The following RCBTB2 variants were observed in gnomAD, a reference collection of about 807,000 sequenced individuals.
RCBTB2 encodes RCC1 and BTB domain containing protein 2.
RCBTB2 carries 55 observed loss-of-function variants against 65.4 expected under a neutral mutation model. The ratio of observed to expected loss-of-function variants is 0.84; its 90% CI spans 0.68 to 1.05. The LOEUF (loss-of-function observed/expected upper bound fraction) is 1.05, where lower values mean the gene tolerates loss of function less well. Among genes scored for constraint, RCBTB2 ranks in the 50% least tolerant of loss-of-function variants. RCBTB2 has a pLI of 0.00. For synonymous variants in RCBTB2, 220 were observed against 255.2 expected (o/e 0.86, Z 1.31); for missense variants, 599 against 680.1 (o/e 0.88, Z 1.33).
At chr13:48,497,279 C>T (rs946789638) in intron 13 of RCBTB2, among the ~76,000 whole-genome samples, 2 of 152,194 alleles carry the variant, frequency 1.3e-5, no homozygotes, top group African/African-American at 4.8e-5. Context: ...ACTTTCCTCA[C>T]TTACTTCCCA....
In RCBTB2 at chr13:48,512,812, T is replaced by C. The variant is rs1289498981; in HGVS notation, c.433A>G (p.Ile145Val). The C allele has an allele frequency of 5.0e-6, 8 of 1,614,030 alleles. No homozygotes were observed. The African/African-American group carries it at 6.7e-5, about 13-fold the overall frequency. Reference sequence around the variant, plus strand: ...TGTTTGTTTGACAGATTAGTAGAGATATGACAGGGCACTAAACCATGATTA... The same window carrying C: ...TGTTTGTTTGACAGATTAGTAGAGACATGACAGGGCACTAAACCATGATTA... ...TTNHGLVPCH[I>V]STNLSNKQVI... The change falls in exon 7 of 15, where the codon ATC (isoleucine) becomes GTC (valine). Residue 145 changes from isoleucine to valine, a missense_variant. Physicochemically the swap from Ile to Val is conservative, Grantham distance 29. Coordinates refer to ENST00000344532, the MANE Select transcript of RCBTB2 (RefSeq NM_001268.4).
intron 13 of RCBTB2, among the ~76,000 whole-genome samples, chr13:48,498,878 T>A (rs780529263): frequency 5.3e-5 from 8 of 151,922 alleles, no homozygotes; most frequent in Non-Finnish European, 1.0e-4. Flanking sequence ...AGTGCAGCCA[T>A]CCTTCTCTCT....
At chr13:48,527,322 T>TATATATATATC (rs1555310599) in intron 1 of RCBTB2, among the ~76,000 whole-genome samples, 5 of 123,480 alleles carry the variant, frequency 4.0e-5, no homozygotes, top group African/African-American at 2.3e-4. Flanking sequence ...ACTTGGCTCA[T>TATATATATATC]ATATATATAT....
At chr13:48,499,039 G>C (rs2138437152) in intron 13 of RCBTB2, among the ~76,000 whole-genome samples, 1 of 151,116 alleles carries the variant, frequency 6.6e-6, no homozygotes, top group South Asian at 2.1e-4. Flanking sequence ...TATAATAACT[G>C]ATGTTTTAAA....
chr13:48,492,730 TC>T, intron 14 of RCBTB2, among the ~76,000 whole-genome samples: 1 of 152,176 alleles, frequency 6.6e-6, no homozygotes, highest in Non-Finnish European at 1.5e-5. Flanking sequence ...GTTTCTCTCT[TC>T]CGTTACTGCT....
chr13:48,496,131 G>C, intron 14 of RCBTB2, 60 bp downstream of exon 14: 1 of 1,392,044 alleles, frequency 7.2e-7, no homozygotes, highest in Non-Finnish European at 9.4e-7. Flanking sequence ...TAAGGTACGA[G>C]GCAGACACCT....
At chr13:48,510,944 G>GT (rs1467888565) in intron 9 of RCBTB2, among the ~76,000 whole-genome samples, 173 bp from the exon 10 acceptor site, 1 of 152,200 alleles carries the variant, frequency 6.6e-6, no homozygotes, top group Non-Finnish European at 1.5e-5. Context: ...CAGAATTGCA[G>GT]TAAGATTGCC....
chr13:48,503,024 G>A (rs775399649), intron 10 of RCBTB2, 110 bp from the exon 11 acceptor site: 10 of 1,247,428 alleles, frequency 8.0e-6, no homozygotes, highest in Non-Finnish European at 1.1e-5. Context: ...TTACAAAAAG[G>A]GTCAGGAAAA....
chr13:48,512,206 G>A, intron 7 of RCBTB2, 32 bp from the exon 8 acceptor site: 1 of 1,588,670 alleles, frequency 6.3e-7, no homozygotes, highest in South Asian at 1.1e-5. Flanking sequence ...AAATGAAACA[G>A]ATTAATTTAT....
In RCBTB2 at chr13:48,496,171, T is replaced by C. The variant is rs771142023; in HGVS notation, c.1515+20A>G. ...TCCATTTCTCCAGGAGGCCGGCAGC[T>C]GGAAGCAAGCTTTCCTTACCTGTGC... On this transcript the variant is annotated intron_variant, in intron 14 of 14. Coordinates refer to ENST00000344532, the MANE Select transcript of RCBTB2 (RefSeq NM_001268.4). The C allele has an allele frequency of 5.0e-5, 71 of 1,433,410 alleles. No homozygotes were observed. Among genetic ancestry groups the C allele is most frequent in the Non-Finnish European group, 6.1e-5 (66 of 1,084,062 alleles). 88.8% of individuals were successfully genotyped at this position (1,433,410 alleles called of 1,614,324 possible).
At chr13:48,490,745 G>A (rs1454597055) in intron 14 of RCBTB2, among the ~76,000 whole-genome samples, 2 of 152,120 alleles carry the variant, frequency 1.3e-5, no homozygotes, top group African/African-American at 4.8e-5. Flanking sequence ...ACAGGCCACC[G>A]CTTTTTCTCT....
At chr13:48,496,794 G>A (rs942201934) in intron 13 of RCBTB2, among the ~76,000 whole-genome samples, 5 of 131,824 alleles carry the variant, frequency 3.8e-5, no homozygotes, top group Non-Finnish European at 8.1e-5. Context: ...AAGAGAAGAG[G>A]GGAGGGGAGA....
At chr13:48,532,494 C>T (rs553533993) in intron 1 of RCBTB2, 4 of 153,516 alleles carry the variant, frequency 2.6e-5, no homozygotes, top group African/African-American at 9.6e-5. Flanking sequence ...ATGAAAACAT[C>T]GGCAACATAT....
chr13:48,519,234 T>G (rs1250618003), intron 4 of RCBTB2, among the ~76,000 whole-genome samples: 4 of 152,216 alleles, frequency 2.6e-5, no homozygotes, highest in Admixed American at 2.0e-4. Context: ...TCTGCAGGGC[T>G]TTGGCTATTC....
At chr13:48,500,585 T>C (rs1950190641) in intron 12 of RCBTB2, among the ~76,000 whole-genome samples, 1 of 152,074 alleles carries the variant, frequency 6.6e-6, no homozygotes, top group Admixed American at 6.6e-5. Flanking sequence ...GGGGGAAATT[T>C]GGACACAGAC....
At chr13:48,506,716 C>T (rs745560562) in intron 10 of RCBTB2, among the ~76,000 whole-genome samples, 30 of 152,234 alleles carry the variant, frequency 2.0e-4, no homozygotes, top group Non-Finnish European at 3.7e-4. Context: ...ATCTGGCATT[C>T]TCTGGGAGCA....
intron 10 of RCBTB2, among the ~76,000 whole-genome samples, chr13:48,509,669 G>A (rs1950682239): frequency 6.6e-6 from 1 of 152,116 alleles, no homozygotes; most frequent in Non-Finnish European, 1.5e-5. Context: ...TGTTAAATTG[G>A]TTAAATAAAA....
chr13:48,529,088 T>C (rs1424021567), intron 1 of RCBTB2, among the ~76,000 whole-genome samples: 1 of 152,230 alleles, frequency 6.6e-6, no homozygotes, highest in Non-Finnish European at 1.5e-5. Context: ...TTCAGTCTTT[T>C]CAGCCACACA....
At chr13:48,519,395 G>A (rs1276368899) in intron 4 of RCBTB2, among the ~76,000 whole-genome samples, 2 of 152,126 alleles carry the variant, frequency 1.3e-5, no homozygotes, top group African/African-American at 4.8e-5. Flanking sequence ...AAAATCAAGT[G>A]GTTTTCTGGA....
Sources: gnomAD v4.1 joint callset for allele counts (sites outside exome capture counted in the v4.1 genomes callset) on GRCh38, gnomAD v4.1.1 for gene constraint, MANE v1.5 for transcripts, NCBI Gene and HGNC (gene_info 2026-07-23, HGNC 2026-07-21) for gene names.